CHRM3: variants seen among roughly 807,000 people sequenced by gnomAD.
CHRM3 encodes the protein cholinergic receptor muscarinic 3.
In CHRM3, 11 loss-of-function variants were observed where a neutral mutation model predicts 41.8. The ratio of observed to expected loss-of-function variants is 0.26; its 90% CI spans 0.17 to 0.44. The LOEUF is 0.44. Among genes scored for constraint, CHRM3 ranks in the 20% least tolerant of loss-of-function variants. CHRM3 has a pLI of 1.00. For synonymous variants in CHRM3, 297 were observed against 301.4 expected (o/e 0.99, Z 0.15); for missense variants, 571 against 745.4 (o/e 0.77, Z 2.72).
intron 5 of CHRM3, among the ~76,000 whole-genome samples, chr1:239,798,335 T>G (rs1378689696): frequency 6.6e-6 from 1 of 152,200 alleles, no homozygotes; most frequent in African/African-American, 2.4e-5. Flanking sequence ...GGTTTTCGAT[T>G]GATGGAAGGG....
chr1:239,871,666 A>G (rs1265700549), intron 6 of CHRM3, among the ~76,000 whole-genome samples: 3 of 152,144 alleles, frequency 2.0e-5, no homozygotes, highest in Admixed American at 6.5e-5. Context: ...TTCATTTGCA[A>G]TATGTCTCTG....
At chr1:239,603,781 T>A (rs1665902447) in intron 3 of CHRM3, among the ~76,000 whole-genome samples, 1 of 152,118 alleles carries the variant, frequency 6.6e-6, no homozygotes, top group African/African-American at 2.4e-5. Flanking sequence ...ATGGACAGTT[T>A]ACAGGTATGA....
intron 3 of CHRM3, among the ~76,000 whole-genome samples, chr1:239,614,011 A>G (rs1004636328): frequency 6.6e-6 from 1 of 152,104 alleles, no homozygotes; most frequent in African/African-American, 2.4e-5. Flanking sequence ...TAAAATAAAT[A>G]AAACAATTAG....
chr1:239,497,019 G>C (rs1367228326), intron 2 of CHRM3, among the ~76,000 whole-genome samples: 1 of 152,074 alleles, frequency 6.6e-6, no homozygotes, highest in Non-Finnish European at 1.5e-5. Context: ...TTCCCAAGTA[G>C]GATCTATTGA....
intron 4 of CHRM3, among the ~76,000 whole-genome samples, chr1:239,659,395 G>T (rs1007120618): frequency 5.9e-5 from 9 of 152,016 alleles, no homozygotes; most frequent in Non-Finnish European, 1.0e-4. Context: ...CCTTCACTCT[G>T]TGTCTCTCCT....
At chr1:239,875,359 G>T (rs1677032784) in intron 6 of CHRM3, among the ~76,000 whole-genome samples, 2 of 152,212 alleles carry the variant, frequency 1.3e-5, no homozygotes. Context: ...CGACTCTGTT[G>T]TAGTACAAAG....
At chr1:239,434,938 G>A (rs1011941694) in intron 1 of CHRM3, among the ~76,000 whole-genome samples, 7 of 152,114 alleles carry the variant, frequency 4.6e-5, no homozygotes, top group African/African-American at 1.4e-4. Flanking sequence ...CCTCGAGATC[G>A]CTTCCCGAGG....
chr1:239,618,641 G>A lies in CHRM3; in HGVS notation c.-312-13583G>A, dbSNP rs866940233. Among the ~76,000 whole-genome samples, 40 of 151,380 alleles carry A rather than the reference G, an allele frequency of 2.6e-4. 1 individual carries two copies. The highest frequency in any genetic ancestry group is 6.3e-4 in the African/African-American group (26 of 41,350). On this transcript the variant is annotated intron_variant, in intron 3 of 6. Transcript: ENST00000676153. ...GGTCGGATCACGAGGTCAGGAGATC[G>A]AGACCATCCTGGCTAACACGGTGAA... is the stretch of plus-strand genomic sequence containing the variant.
chr1:239,690,514 C>A (rs1659613820), intron 5 of CHRM3, among the ~76,000 whole-genome samples: 1 of 152,024 alleles, frequency 6.6e-6, no homozygotes. Flanking sequence ...CAGGTGTAAG[C>A]CACTGCACCC....
At chr1:239,470,085 T>A (rs1938236) in intron 1 of CHRM3, among the ~76,000 whole-genome samples, 32,473 of 152,054 alleles carry the variant, frequency 0.21, 4,161 homozygotes, top group Middle Eastern at 0.35. Flanking sequence ...TTAAAGATGT[T>A]GAGATGAGAT....
At chr1:239,881,302 A>AAAT (rs1406885619) in intron 6 of CHRM3, among the ~76,000 whole-genome samples, 2 of 150,374 alleles carry the variant, frequency 1.3e-5, no homozygotes, top group African/African-American at 2.4e-5. Flanking sequence ...AAAAAAAAAA[A>AAAT]AAAAGAATAC....
At chr1:239,404,406 AAGAAAAAGAAAGAAAGAAAG>A (rs1558195663) in intron 1 of CHRM3, among the ~76,000 whole-genome samples, 158 of 53,834 alleles carry the variant, frequency 2.9e-3, no homozygotes, top group Middle Eastern at 0.017. Context: ...GAAAGAAAGA[AAGAAAAAGAAAGAAAGAAAG>A]AAAGAAAGAA....
chr1:239,653,881 A>AAAAC (rs550297389), intron 4 of CHRM3, among the ~76,000 whole-genome samples: 8 of 152,322 alleles, frequency 5.3e-5, no homozygotes, highest in Admixed American at 1.3e-4. Context: ...GGAGAAAAAC[A>AAAAC]AAACAAACAA....
chr1:239,796,702 T>A (rs916722701), intron 5 of CHRM3, among the ~76,000 whole-genome samples: 7 of 152,114 alleles, frequency 4.6e-5, no homozygotes, highest in African/African-American at 1.7e-4. Context: ...CAAGACCTTT[T>A]TAAAAAAACA....
chr1:239,496,627 A>G (rs1348446146), intron 2 of CHRM3, among the ~76,000 whole-genome samples: 1 of 151,926 alleles, frequency 6.6e-6, no homozygotes, highest in Non-Finnish European at 1.5e-5. Context: ...AACTAATCTT[A>G]GGCAATTTCT....
chr1:239,783,619 A>C (rs1668669069), intron 5 of CHRM3, among the ~76,000 whole-genome samples: 1 of 152,214 alleles, frequency 6.6e-6, no homozygotes, highest in African/African-American at 2.4e-5. Flanking sequence ...AACAGCTGAG[A>C]ACTGAACAAG....
intron 3 of CHRM3, chr1:239,629,063 A>C (rs1456164470): frequency 1.4e-4 from 13 of 90,676 alleles, no homozygotes; most frequent in African/African-American, 2.3e-4. Context: ...TTGTTTACCT[A>C]AGCAAGCCTG....
chr1:239,743,322 C>G (rs1665022466), intron 5 of CHRM3, among the ~76,000 whole-genome samples: 2 of 152,154 alleles, frequency 1.3e-5, no homozygotes, highest in South Asian at 4.1e-4. Flanking sequence ...AATATGTACT[C>G]TCTCAGACAA....
chr1:239,664,862 T>G (rs1265542067), intron 4 of CHRM3, among the ~76,000 whole-genome samples: 2 of 152,138 alleles, frequency 1.3e-5, no homozygotes, highest in African/African-American at 4.8e-5. Context: ...TTCACCACGG[T>G]TCGGTCTACT....
Sources: gnomAD v4.1 joint callset for allele counts (sites outside exome capture counted in the v4.1 genomes callset) on GRCh38, gnomAD v4.1.1 for gene constraint, MANE v1.5 for transcripts, NCBI Gene and HGNC (gene_info 2026-07-23, HGNC 2026-07-21) for gene names.